The following RNFT1 variants were observed in gnomAD, a reference collection of about 807,000 sequenced individuals.
RNFT1 encodes E3 ubiquitin-protein ligase RNFT1.
RNFT1 carries 35 observed loss-of-function variants against 53.2 expected under a neutral mutation model. The observed-to-expected ratio is 0.66, with a 90% CI of 0.50 to 0.87. The LOEUF is 0.87. RNFT1 is among the 40% of genes least tolerant of loss of function. RNFT1 has a pLI of 0.00. For synonymous variants in RNFT1, 141 were observed against 172.8 expected, an observed-to-expected ratio of 0.82 and a Z score of 1.44; for missense variants, 421 against 515.0, an observed-to-expected ratio of 0.82 and a Z score of 1.77.
intron 3 of RNFT1, among the ~76,000 whole-genome samples, chr17:59,961,033 C>T (rs1326721927): frequency 7.0e-6 from 1 of 143,276 alleles, no homozygotes; most frequent in East Asian, 2.0e-4. Context: ...TGTAATCTCC[C>T]TTTTTTTTTT....
chr17:59,961,582 CTCT>C (rs747803991), intron 3 of RNFT1, among the ~76,000 whole-genome samples: 3 of 151,630 alleles, frequency 2.0e-5, no homozygotes, highest in South Asian at 2.1e-4. Flanking sequence ...TTCATTTTCT[CTCT>C]TTTTTTTTTT....
At chr17:59,956,941 T>C (rs1219021007) in intron 6 of RNFT1, among the ~76,000 whole-genome samples, 1 of 152,206 alleles carries the variant, frequency 6.6e-6, no homozygotes, top group East Asian at 1.9e-4. Context: ...TATGACAATG[T>C]TACTGTTGAG....
intron 3 of RNFT1, among the ~76,000 whole-genome samples, chr17:59,961,556 G>A (rs1442949701): frequency 1.3e-5 from 2 of 151,710 alleles, no homozygotes; most frequent in African/African-American, 4.8e-5. Context: ...TTATGTTATG[G>A]AAAAATTCCT....
chr17:59,956,467 TA>T lies in RNFT1; in HGVS notation c.1071+20del. 1 of 1,586,126 alleles carries T rather than the reference TA, an allele frequency of 6.3e-7. No homozygotes were observed. The highest frequency in any genetic ancestry group is 8.6e-7 in the Non-Finnish European group (1 of 1,159,754). On this transcript the variant is annotated intron_variant, in intron 7 of 8. Transcript: ENST00000305783. Reference sequence around the variant, plus strand: ...TGAAGAAAGGTGAAGGTGTTTTTCTTAACTGATAAAAAGTACTTACTGGTTG... The same window carrying T: ...TGAAGAAAGGTGAAGGTGTTTTTCTTACTGATAAAAAGTACTTACTGGTTG...
rs1212969542 is a variant in RNFT1 at position 59,952,552 on chromosome 17, A to T, written c.*425T>A. 6.5e-6 allele frequency: 1 copy of T among 152,804 alleles called. No individual in the cohort carries two copies. Among genetic ancestry groups the T allele is most frequent in the Non-Finnish European group, 1.5e-5 (1 of 68,196 alleles). 9.5% of individuals were successfully genotyped at this position (152,804 alleles called of 1,614,324 possible). A position where few individuals can be genotyped will look rare whatever the true frequency, so the allele number is the denominator to read the frequency against. ...AAGAATTTTTAGGATGGGAATTATA[A>T]AAGTCAATGCTGAACAAAATTCTAC... is the stretch of plus-strand genomic sequence containing the variant. On this transcript the variant is annotated 3_prime_UTR_variant, in exon 9 of 9. Coordinates refer to ENST00000305783, the MANE Select transcript of RNFT1 (RefSeq NM_016125.4).
chr17:59,956,001 C>G (rs752980878), intron 7 of RNFT1, among the ~76,000 whole-genome samples: 2 of 152,090 alleles, frequency 1.3e-5, no homozygotes, highest in African/African-American at 4.8e-5. Context: ...CGTATTTATG[C>G]ACATATAATT....
At chr17:59,953,594 T>C (rs1421263188) in intron 8 of RNFT1, among the ~76,000 whole-genome samples, 1 of 152,222 alleles carries the variant, frequency 6.6e-6, no homozygotes, top group South Asian at 2.1e-4. Context: ...AGCAGTATGA[T>C]TGGTAGAGCC....
Position 59,963,080 on chromosome 17 carries a change from A to G in RNFT1, c.261T>C (p.Pro87=). The change falls in exon 2 of 9, where the codon CCT becomes CCC. Residue 87 remains proline, a synonymous_variant. Coordinates refer to ENST00000305783, the MANE Select transcript of RNFT1 (RefSeq NM_016125.4). ...AGCTTGCATTTTCTGCACATTCTTT[A>G]GGTATGGAGTTTATCTGGATATGAA... ...GDVHIQINSI[P]KECAENASSR... The G allele has an allele frequency of 6.2e-7, 1 of 1,614,120 alleles. No individual in the cohort carries two copies. The highest frequency in any genetic ancestry group is 8.5e-7 in the Non-Finnish European group (1 of 1,180,030).
intron 4 of RNFT1, among the ~76,000 whole-genome samples, chr17:59,958,961 C>G (rs907617202): frequency 3.3e-5 from 5 of 152,116 alleles, no homozygotes; most frequent in African/African-American, 1.2e-4. Context: ...TGTTTCTCTT[C>G]TAATTGTGGT....
chr17:59,963,948 C>T (rs1210475466), intron 1 of RNFT1, among the ~76,000 whole-genome samples: 2 of 152,132 alleles, frequency 1.3e-5, no homozygotes, highest in African/African-American at 2.4e-5. Context: ...TTTGGAGAGT[C>T]ACCACGTAAT....
At chr17:59,955,869 A>C (rs2045251320) in intron 7 of RNFT1, among the ~76,000 whole-genome samples, 1 of 152,188 alleles carries the variant, frequency 6.6e-6, no homozygotes, top group African/African-American at 2.4e-5. Flanking sequence ...CAGGCTACTA[A>C]GTGGTAAATT....
At chr17:59,963,997 G>A (rs1302394552) in intron 1 of RNFT1, among the ~76,000 whole-genome samples, 1 of 152,192 alleles carries the variant, frequency 6.6e-6, no homozygotes, top group African/African-American at 2.4e-5. Context: ...CAGTTACACA[G>A]TCCGCCCAAT....
Position 59,960,271 on chromosome 17 carries a change from A to G in RNFT1, c.592-103T>C, listed in dbSNP as rs1050572872. ...GACTATTAACTTAGAATATTTTTCT[A>G]AATCTTAATATAGAATATGTTAAAC... On this transcript the variant is annotated intron_variant, in intron 3 of 8. Transcript: ENST00000305783. The G allele has an allele frequency of 2.3e-6, 3 of 1,279,640 alleles. No individual in the cohort carries two copies. In the African/African-American group the frequency reaches 4.5e-5, roughly 19 times the overall value. 79.3% of individuals were successfully genotyped at this position (1,279,640 alleles called of 1,614,324 possible). A position where few individuals can be genotyped will look rare whatever the true frequency, so the allele number is the denominator to read the frequency against.
chr17:59,958,000 A>G (rs2045264732), intron 5 of RNFT1, among the ~76,000 whole-genome samples: 2 of 152,332 alleles, frequency 1.3e-5, no homozygotes, highest in South Asian at 4.1e-4. Context: ...TCAACTGTCA[A>G]TTGATAATGC....
chr17:59,961,946 T>C (rs1394081465), intron 3 of RNFT1, among the ~76,000 whole-genome samples: 11 of 127,414 alleles, frequency 8.6e-5, no homozygotes, highest in Non-Finnish European at 3.2e-5. Flanking sequence ...AGTGCAGTGG[T>C]GCGATCTCAG....
intron 5 of RNFT1, 62 bp from the exon 6 acceptor site, chr17:59,957,444 A>G (rs2045261233): frequency 8.3e-7 from 1 of 1,208,170 alleles, no homozygotes; most frequent in South Asian, 1.4e-5. Context: ...AGCACAAACA[A>G]TATTAGACTG....
intron 6 of RNFT1, 117 bp downstream of exon 6, chr17:59,957,107 A>T: frequency 1.0e-6 from 1 of 985,638 alleles, no homozygotes. Context: ...ACCTGCTATT[A>T]CTTCAAACTA....
At position 59,952,431 on chromosome 17, in the gene RNFT1, T is replaced by C. The variant is rs990887558; in HGVS notation, c.*546A>G. On this transcript the variant is annotated 3_prime_UTR_variant, in exon 9 of 9. Transcript: ENST00000305783. ...GAGAATAATACAATACTATAATGTA[T>C]CATCCTCAGTAAATTAATCTTCACT... The C allele has an allele frequency of 3.3e-5, 5 of 152,338 alleles. No homozygotes were observed. Among genetic ancestry groups the C allele is most frequent in the African/African-American group, 1.2e-4 (5 of 41,454 alleles). The allele number at this position is 152,338 out of a possible 1,614,324, so 9.4% of individuals were successfully genotyped here.
Position 59,964,694 on chromosome 17 carries a change from T to A in RNFT1, c.-31A>T, listed in dbSNP as rs557754493. 1.3e-6 allele frequency: 2 copies of A among 1,582,690 alleles called. No homozygotes were observed. Among genetic ancestry groups the A allele is most frequent in the African/African-American group, 1.4e-5 (1 of 73,518 alleles). The stretch of plus-strand genomic sequence containing the variant: ...GCCTCCAGCCCTTCAGTCGGGGCCA[T>A]CAACCGCAAACCCCGCAAGCTCTTC... On this transcript the variant is annotated 5_prime_UTR_variant, in exon 1 of 9. An upstream start codon of the reference 5' UTR is lost. Transcript: ENST00000305783.
Sources: gnomAD v4.1 joint callset for allele counts (sites outside exome capture counted in the v4.1 genomes callset) on GRCh38, gnomAD v4.1.1 for gene constraint, MANE v1.5 for transcripts, NCBI Gene and HGNC (gene_info 2026-07-23, HGNC 2026-07-21) for gene names.